The following TPRKB variants were observed in gnomAD, a reference collection of about 807,000 sequenced individuals.
The protein encoded by TPRKB is EKC/KEOPS complex subunit TPRKB.
TPRKB carries 11 observed loss-of-function variants against 17.8 expected under a neutral mutation model. The observed-to-expected ratio is 0.62, with a 90% confidence interval of 0.39 to 1.02. TPRKB has a LOEUF of 1.02. TPRKB is among the 50% of genes least tolerant of loss of function. The probability of loss-of-function intolerance (pLI) is 0.00; values close to 1 mark genes in which losing one functional copy is unlikely to be tolerated. For missense variants in TPRKB, 228 were observed against 198.0 expected, an observed-to-expected ratio of 1.15 and a Z score of -0.91; for synonymous variants, 71 against 69.5, an observed-to-expected ratio of 1.02 and a Z score of -0.11.
intron 1 of TPRKB, among the ~76,000 whole-genome samples, chr2:73,736,945 CCT>C (rs1240014012): frequency 1.3e-5 from 2 of 152,062 alleles, no homozygotes; most frequent in Non-Finnish European, 2.9e-5. Context: ...CAGGTAGTTC[CCT>C]CTCTCCTTTC....
At position 73,731,057 on chromosome 2, in the gene TPRKB, C is replaced by T. The variant is rs112576205; in HGVS notation, c.265-321G>A. 188 of 196,736 alleles carry T rather than the reference C, an allele frequency of 9.6e-4. No homozygotes were observed. The Middle Eastern group carries it at 0.017, about 18-fold the overall frequency. The allele number at this position is 196,736 out of a possible 1,614,324, so 12.2% of individuals were successfully genotyped here. On this transcript the variant is annotated intron_variant, in intron 3 of 4. Coordinates refer to ENST00000272424, the MANE Select transcript of TPRKB (RefSeq NM_016058.5). Reference sequence around the variant, plus strand: ...TCTGCCTTCTGGCCAGTCCAGCCTGCCTGGGGATCCAGTCACATTTCATGC... The same window carrying T: ...TCTGCCTTCTGGCCAGTCCAGCCTGTCTGGGGATCCAGTCACATTTCATGC...
intron 1 of TPRKB, among the ~76,000 whole-genome samples, 142 bp downstream of exon 1, chr2:73,737,144 GACAGCCTGACTCTATC>G (rs1671930839): frequency 6.6e-6 from 1 of 152,114 alleles, no homozygotes; most frequent in Non-Finnish European, 1.5e-5. Flanking sequence ...TTCTTGAGGG[GACAGCCTGACTCTATC>G]ATTCTCGTGC....
chr2:73,735,397 T>A (rs1671832796), intron 1 of TPRKB, among the ~76,000 whole-genome samples: 1 of 151,454 alleles, frequency 6.6e-6, no homozygotes, highest in Non-Finnish European at 1.5e-5. Flanking sequence ...AACGATGAGT[T>A]AATGGGTGCA....
rs562425324 is a variant in TPRKB at position 73,734,239 on chromosome 2, T to C, written c.141+190A>G. Among the ~76,000 whole-genome samples the C allele has an allele frequency of 2.1e-4, 32 of 150,634 alleles. No homozygotes were observed. In the East Asian group the frequency reaches 6.3e-3, roughly 30 times the overall value. ...TCAGCCTCCCGAGTAGCTGGGATTA[T>C]AGGCGCCCGCCACCACGCCCAGCTA... is the stretch of plus-strand genomic sequence containing the variant. On this transcript the variant is annotated intron_variant, in intron 2 of 4. Coordinates refer to ENST00000272424, the MANE Select transcript of TPRKB (RefSeq NM_016058.5).
At chr2:73,733,165 G>C (rs572617691) in intron 2 of TPRKB, among the ~76,000 whole-genome samples, 11 of 151,974 alleles carry the variant, frequency 7.2e-5, no homozygotes, top group Non-Finnish European at 1.3e-4. Context: ...ACTATATAAA[G>C]GTTGGTTATG....
At chr2:73,734,226 G>C (rs1347914021) in intron 2 of TPRKB, among the ~76,000 whole-genome samples, 1 of 151,174 alleles carries the variant, frequency 6.6e-6, no homozygotes, top group Non-Finnish European at 1.5e-5. Flanking sequence ...AGCCTCCCGA[G>C]TAGCTGGGAT....
At position 73,734,449 on chromosome 2, in the gene TPRKB, A is replaced by C. The variant is rs1254561173; in HGVS notation, c.121T>G (p.Ser41Ala). 1 of 1,613,010 alleles carries C rather than the reference A, an allele frequency of 6.2e-7. No homozygotes were observed. Among genetic ancestry groups the C allele is most frequent in the Non-Finnish European group, 8.5e-7 (1 of 1,179,752 alleles). ...TTTACCACTGTAGGATTTATCAGTGATCCATCGATGGTGCCTTCCATGGCC... is the reference window on the plus strand; with the variant it reads ...TTTACCACTGTAGGATTTATCAGTGCTCCATCGATGGTGCCTTCCATGGCC... ...RKAMEGTIDG[S>A]LINPTVIVDP... Residue 41 changes from serine to alanine, a missense_variant, in exon 2 of 5, where the codon TCA becomes GCA. Physicochemically the swap from Ser to Ala is moderately conservative, Grantham distance 99. Transcript: ENST00000272424.
chr2:73,730,664 C>T lies in TPRKB; in HGVS notation c.337G>A (p.Gly113Arg), dbSNP rs368699179. ...TSILIVYIEE[G>R]EKQINQEYLI... The stretch of plus-strand genomic sequence containing the variant: ...TATTCTTGATTTATTTGTTTTTCTC[C>T]CTCTTCAATGTAAACAATTAGAATT... The change falls in exon 4 of 5, where the codon GGA (glycine) becomes AGA (arginine). Residue 113 changes from glycine (G) to arginine (R), a missense_variant. Physicochemically the swap from Gly to Arg is moderately radical, Grantham distance 125. Coordinates refer to ENST00000272424, the MANE Select transcript of TPRKB (RefSeq NM_016058.5). The T allele has an allele frequency of 1.3e-6, 2 of 1,584,366 alleles. No homozygotes were observed. Among genetic ancestry groups the T allele is most frequent in the African/African-American group, 1.4e-5 (1 of 72,662 alleles).
Position 73,737,333 on chromosome 2 carries a change from C to G in TPRKB, c.-54G>C, listed in dbSNP as rs1671946034. The G allele has an allele frequency of 6.6e-6, 1 of 152,260 alleles. No individual in the cohort carries two copies. The highest frequency in any genetic ancestry group is 2.4e-5 in the African/African-American group (1 of 41,464). 9.4% of individuals were successfully genotyped at this position (152,260 alleles called of 1,614,324 possible). ...GCCCCCAGTGCGTCTCGGAAGAGCT[C>G]CCGCTCCGAAACAAAGCTCACAACT... On this transcript the variant is annotated 5_prime_UTR_variant, in exon 1 of 5. Transcript: ENST00000272424.
At chr2:73,730,834 CTTA>C (rs1671574128) in intron 3 of TPRKB, 98 bp from the exon 4 acceptor site, 1 of 882,396 alleles carries the variant, frequency 1.1e-6, no homozygotes, top group East Asian at 3.0e-5. Flanking sequence ...TGGTCAGGCT[CTTA>C]TTTTTCATGT....
At chr2:73,735,082 AC>A (rs2103866711) in intron 1 of TPRKB, among the ~76,000 whole-genome samples, 1 of 152,264 alleles carries the variant, frequency 6.6e-6, no homozygotes, top group Non-Finnish European at 1.5e-5. Context: ...TAATCTCAGC[AC>A]TCTGGGAGGC....
At chr2:73,732,073 T>C in intron 3 of TPRKB, 90 bp downstream of exon 3, 2 of 1,435,700 alleles carry the variant, frequency 1.4e-6, no homozygotes, top group Non-Finnish European at 1.9e-6. Context: ...TACTAACCAC[T>C]GGCTTGCAGG....
intron 4 of TPRKB, 160 bp downstream of exon 4, chr2:73,730,400 C>A (rs1370991197): frequency 4.3e-5 from 23 of 531,072 alleles, no homozygotes; most frequent in Middle Eastern, 4.8e-4. Flanking sequence ...AACCATCACA[C>A]CTCCCAGTTC....
chr2:73,729,971 C>T lies in TPRKB; in HGVS notation c.500G>A (p.Cys167Tyr). The change falls in exon 5 of 5, where the codon TGT becomes TAT. Residue 167 changes from cysteine (C) to tyrosine (Y), a missense_variant. By Grantham distance (194) the Cys-to-Tyr change is radical (BLOSUM62 -2). Transcript: ENST00000272424. The part of the protein sequence containing the change: ...SIGTLLDAII[C>Y]RMSTKDVL ...TAAAACATCTTTTGTTGACATTCTA[C>T]AAATGATAGCATCCAATAATGTCCC... The T allele has an allele frequency of 6.4e-7, 1 of 1,573,346 alleles. No homozygotes were observed. The highest frequency in any genetic ancestry group is 8.6e-7 in the Non-Finnish European group (1 of 1,156,182).
intron 2 of TPRKB, chr2:73,732,593 C>G (rs1671667562): frequency 4.0e-6 from 1 of 247,108 alleles, no homozygotes. Context: ...CCTGTAATCC[C>G]AGCAACTCAG....
At chr2:73,730,862 C>G in intron 3 of TPRKB, 126 bp from the exon 4 acceptor site, 1 of 613,584 alleles carries the variant, frequency 1.6e-6, no homozygotes, top group Admixed American at 4.2e-5. Flanking sequence ...ACAGTTCTCA[C>G]TGCCTACTTT....
In TPRKB at chr2:73,730,604, G is replaced by A; in HGVS notation, c.397C>T (p.Leu133=). Residue 133 remains leucine, a synonymous_variant, in exon 4 of 5, where the codon CTG becomes TTG. Coordinates refer to ENST00000272424, the MANE Select transcript of TPRKB (RefSeq NM_016058.5). ...ISQVEGHQVS[L]KNLPEIMNIT... ...TTCATTATTTCAGGAAGATTTTTCA[G>A]AGAAACCTGATGACCTTCTACTTGA... 6.3e-7 allele frequency: 1 copy of A among 1,590,542 alleles called. No individual in the cohort carries two copies. The highest frequency in any genetic ancestry group is 8.5e-7 in the Non-Finnish European group (1 of 1,173,150).
Position 73,737,288 on chromosome 2 carries a change from C to G in TPRKB, c.-23+14G>C, listed in dbSNP as rs1055801394. 3 of 152,290 alleles carry G rather than the reference C, an allele frequency of 2.0e-5. No individual in the cohort carries two copies. The highest frequency in any genetic ancestry group is 6.5e-5 in the Admixed American group (1 of 15,286). 9.4% of individuals were successfully genotyped at this position (152,290 alleles called of 1,614,324 possible). A position where few individuals can be genotyped will look rare whatever the true frequency, so the allele number is the denominator to read the frequency against. ...GCTCCCGAGCCTGCCCGTTAGAGCG[C>G]AAGGAAAACTCACCATCCGGCCCCC... On this transcript the variant is annotated intron_variant, in intron 1 of 4. Coordinates refer to ENST00000272424, the MANE Select transcript of TPRKB (RefSeq NM_016058.5).
chr2:73,733,024 A>G (rs1026631758), intron 2 of TPRKB, among the ~76,000 whole-genome samples: 1 of 152,144 alleles, frequency 6.6e-6, no homozygotes, highest in South Asian at 2.1e-4. Flanking sequence ...CACCTAGGAA[A>G]CTTATGCAAG....
Sources: gnomAD v4.1 joint callset for allele counts (sites outside exome capture counted in the v4.1 genomes callset) on GRCh38, gnomAD v4.1.1 for gene constraint, MANE v1.5 for transcripts, NCBI Gene and HGNC (gene_info 2026-07-23, HGNC 2026-07-21) for gene names.